IPO7: variants seen among roughly 807,000 people sequenced by gnomAD.
The protein encoded by IPO7 is importin-7.
A neutral mutation model predicts 136.4 loss-of-function variants in IPO7; 13 were observed. The ratio of observed to expected loss-of-function variants is 0.10; its 90% CI spans 0.06 to 0.15. IPO7 has a LOEUF of 0.15. IPO7 is among the 10% of genes least tolerant of loss of function. IPO7 has a pLI of 1.00. For synonymous variants in IPO7, 403 were observed against 404.4 expected (o/e 1.00, Z 0.04); for missense variants, 857 against 1,240.6 (o/e 0.69, Z 4.65).
In IPO7 at chr11:9,433,707, G is replaced by C. The variant is rs749721344; in HGVS notation, c.1949-14G>C. 7.4e-6 allele frequency: 12 copies of C among 1,613,084 alleles called. No homozygotes were observed. The highest frequency in any genetic ancestry group is 1.0e-5 in the Non-Finnish European group (12 of 1,179,918). Reference sequence around the variant, plus strand: ...GAGCAAGCATTTTCCTAATGACTTAGTATTCTCTTTTAGAATTCTATGAGG... The same window carrying C: ...GAGCAAGCATTTTCCTAATGACTTACTATTCTCTTTTAGAATTCTATGAGG... On this transcript the variant is annotated splice_polypyrimidine_tract_variant and intron_variant, in intron 17 of 24. Transcript: ENST00000379719.
chr11:9,424,852 T>A, intron 10 of IPO7, 62 bp from the exon 11 acceptor site: 4 of 1,083,032 alleles, frequency 3.7e-6, no homozygotes, highest in Non-Finnish European at 5.6e-6. Context: ...ATTAAGCATG[T>A]TTTTTAATGC....
intron 5 of IPO7, among the ~76,000 whole-genome samples, chr11:9,414,982 A>T (rs1340032376): frequency 6.6e-6 from 1 of 152,050 alleles, no homozygotes; most frequent in Admixed American, 6.6e-5. Context: ...CATCCACTGC[A>T]ACCAAATTAG....
intron 1 of IPO7, among the ~76,000 whole-genome samples, chr11:9,389,868 T>A (rs909350019): frequency 3.3e-5 from 5 of 152,100 alleles, no homozygotes; most frequent in African/African-American, 1.2e-4. Context: ...CAGGCAATTC[T>A]GCCTCAGCCT....
Position 9,423,171 on chromosome 11 carries a change from G to T in IPO7, c.1041+31G>T, listed in dbSNP as rs773198223. The T allele has an allele frequency of 2.8e-6, 4 of 1,426,618 alleles. No individual in the cohort carries two copies. The East Asian group carries it at 6.9e-5, about 25-fold the overall frequency. The allele number at this position is 1,426,618 out of a possible 1,614,324, so 88.4% of individuals were successfully genotyped here. On this transcript the variant is annotated intron_variant, in intron 9 of 24. Transcript: ENST00000379719. Reference sequence around the variant, plus strand: ...AATTTTTATCTGAAATGTTTTTATAGTAAATATAATAGAAATGACATCAAT... The same window carrying T: ...AATTTTTATCTGAAATGTTTTTATATTAAATATAATAGAAATGACATCAAT...
chr11:9,427,452 G>A (rs374529152), intron 12 of IPO7, among the ~76,000 whole-genome samples: 1 of 151,990 alleles, frequency 6.6e-6, no homozygotes, highest in Non-Finnish European at 1.5e-5. Context: ...TAGAGATGGG[G>A]TTTCACCATG....
At position 9,403,214 on chromosome 11, in the gene IPO7, A is replaced by G. The variant is rs768964251; in HGVS notation, c.85-76A>G. On this transcript the variant is annotated intron_variant, in intron 1 of 24. Transcript: ENST00000379719. ...TGTGCAAGCCAAGCAATGGAAATGT[A>G]TTGGAGCCTCTTTGATCTGTAATTT... The G allele has an allele frequency of 1.3e-5, 13 of 969,432 alleles. 1 individual carries two copies. In the African/African-American group the frequency reaches 2.0e-4, roughly 15 times the overall value. 60.1% of individuals were successfully genotyped at this position (969,432 alleles called of 1,614,324 possible).
At chr11:9,428,864 C>A (rs376230087) in intron 13 of IPO7, 167 bp from the exon 14 acceptor site, 1 of 796,818 alleles carries the variant, frequency 1.3e-6, no homozygotes, top group Non-Finnish European at 2.3e-6. Flanking sequence ...AAACATCATG[C>A]GGCCAAAGAG....
chr11:9,397,341 A>AAAAAAAAAATATATATATATATAT, intron 1 of IPO7, among the ~76,000 whole-genome samples: 10 of 10,760 alleles, frequency 9.3e-4, no homozygotes, highest in Admixed American at 6.3e-3. Flanking sequence ...TTTAAAAAAA[A>AAAAAAAAAATATATATATATATAT]ATATATATAT....
At position 9,445,199 on chromosome 11, in the gene IPO7, T is replaced by C. The variant is rs1218287799; in HGVS notation, c.*5T>C. On this transcript the variant is annotated 3_prime_UTR_variant, in exon 25 of 25. Transcript: ENST00000379719. ...CCAGCACCAGGGATGAATTGAGTTATCTCTTTCTTTCCTGCTGTGTGCTTG... is the reference window on the plus strand; with the variant it reads ...CCAGCACCAGGGATGAATTGAGTTACCTCTTTCTTTCCTGCTGTGTGCTTG... 1.3e-6 allele frequency: 2 copies of C among 1,538,608 alleles called. No individual in the cohort carries two copies. The highest frequency in any genetic ancestry group is 1.8e-6 in the Non-Finnish European group (2 of 1,111,226).
chr11:9,441,944 T>C (rs908395073), intron 23 of IPO7, 137 bp from the exon 24 acceptor site: 6 of 498,434 alleles, frequency 1.2e-5, no homozygotes, highest in African/African-American at 1.2e-4. Context: ...ATGGTAATTT[T>C]AAAAATTATT....
At chr11:9,419,559 A>AATATATATATATATAT (rs1244588095) in intron 6 of IPO7, among the ~76,000 whole-genome samples, 2 of 116,836 alleles carry the variant, frequency 1.7e-5, no homozygotes, top group African/African-American at 3.8e-5. Flanking sequence ...AAAAAAAAAA[A>AATATATATATATATAT]ATATATATAT....
chr11:9,426,586 C>T lies in IPO7; in HGVS notation c.1335+1324C>T, dbSNP rs534867067. On this transcript the variant is annotated intron_variant, in intron 12 of 24. Coordinates refer to ENST00000379719, the MANE Select transcript of IPO7 (RefSeq NM_006391.3). ...AACCCATTTTCCAACGTAGCTATACCATTTTATATTTCTGCCAGCAGTATA... is the reference window on the plus strand; with the variant it reads ...AACCCATTTTCCAACGTAGCTATACTATTTTATATTTCTGCCAGCAGTATA... 2.6e-5 allele frequency among the ~76,000 whole-genome samples: 4 copies of T among 152,170 alleles called. No homozygotes were observed. The East Asian group carries it at 7.7e-4, about 29-fold the overall frequency.
Position 9,429,180 on chromosome 11 carries a change from C to T in IPO7, c.1575C>T (p.Ile525=), listed in dbSNP as rs1855256993. The T allele has an allele frequency of 1.2e-6, 2 of 1,612,028 alleles. No individual in the cohort carries two copies. Among genetic ancestry groups the T allele is most frequent in the Non-Finnish European group, 1.7e-6 (2 of 1,179,428 alleles). The change falls in exon 14 of 25, where the codon ATC becomes ATT. Residue 525 remains isoleucine, a synonymous_variant. Transcript: ENST00000379719. The part of the protein sequence containing the change: ...VEAAIALQVL[I]SNQEKAKEYI... ...CTGCCATTGCCCTTCAAGTATTGAT[C>T]AGCAATCAAGAAAAAGGTAAAGGAT...
At chr11:9,434,816 G>A (rs1855347866) in intron 18 of IPO7, 118 bp from the exon 19 acceptor site, 2 of 716,232 alleles carry the variant, frequency 2.8e-6, no homozygotes, top group South Asian at 1.5e-5. Flanking sequence ...CCAAAAAAAG[G>A]TGAATGTTAG....
intron 1 of IPO7, among the ~76,000 whole-genome samples, chr11:9,391,504 G>A (rs529412382): frequency 6.6e-6 from 1 of 152,142 alleles, no homozygotes; most frequent in East Asian, 1.9e-4. Flanking sequence ...TCAGGAGATC[G>A]AGACCATCCT....
rs776011361 is a variant in IPO7, at chr11:9,438,137, G to A, written c.2547G>A (p.Gln849=). The change falls in exon 22 of 25, where the codon CAG becomes CAA. Residue 849 remains glutamine (Q), a synonymous_variant. Transcript: ENST00000379719. ...LGLCALIDME[Q]IPQVLNQVSG... The stretch of plus-strand genomic sequence containing the variant: ...TCTGTGCTCTTATTGATATGGAACA[G>A]ATACCCCAAGTTTTAAATCAGGTTT... The A allele has an allele frequency of 7.3e-6, 11 of 1,511,164 alleles. No homozygotes were observed. The highest frequency in any genetic ancestry group is 5.6e-5 in the East Asian group (2 of 35,542). 93.6% of individuals were successfully genotyped at this position (1,511,164 alleles called of 1,614,324 possible).
intron 6 of IPO7, among the ~76,000 whole-genome samples, chr11:9,418,721 C>A (rs75385133): frequency 2.2e-4 from 33 of 151,860 alleles, no homozygotes; most frequent in Admixed American, 5.9e-4. Context: ...ATCCGTGCAC[C>A]GATTATAAAT....
At chr11:9,397,257 G>A (rs1445793500) in intron 1 of IPO7, among the ~76,000 whole-genome samples, 9 of 144,832 alleles carry the variant, frequency 6.2e-5, no homozygotes, top group East Asian at 2.0e-4. Context: ...TAGGCTGGGC[G>A]CAGTGGATCA....
chr11:9,442,578 T>C (rs1328757480), intron 24 of IPO7, among the ~76,000 whole-genome samples: 1 of 152,116 alleles, frequency 6.6e-6, no homozygotes, highest in Non-Finnish European at 1.5e-5. Context: ...TACACCTGGC[T>C]AATTTTTTGT....
Sources: gnomAD v4.1 joint callset for allele counts (sites outside exome capture counted in the v4.1 genomes callset) on GRCh38, gnomAD v4.1.1 for gene constraint, MANE v1.5 for transcripts, NCBI Gene and HGNC (gene_info 2026-07-23, HGNC 2026-07-21) for gene names.